CACNA2D2: variants seen among roughly 807,000 people sequenced by gnomAD.
CACNA2D2 encodes voltage-dependent calcium channel subunit alpha-2/delta-2.
In CACNA2D2, 48 loss-of-function variants were observed where a neutral mutation model predicts 166.4. That is an observed-to-expected ratio of 0.29 (90% confidence interval 0.23 to 0.37). CACNA2D2 has a LOEUF of 0.37. CACNA2D2 is among the 10% of genes least tolerant of loss of function. The pLI is 1.00. For synonymous variants in CACNA2D2, 561 were observed against 573.7 expected (o/e 0.98, Z 0.32); for missense variants, 1,122 against 1,433.0 (o/e 0.78, Z 3.50).
chr3:50,482,871 T>C (rs1361414559), intron 1 of CACNA2D2, among the ~76,000 whole-genome samples: 6 of 152,202 alleles, frequency 3.9e-5, no homozygotes, highest in African/African-American at 1.4e-4. Context: ...TTCAGCAGCT[T>C]TGGGGGCTCA....
rs78997807 is a variant in CACNA2D2 at position 50,478,319 on chromosome 3, G to A, written c.207-2120C>T. The stretch of plus-strand genomic sequence containing the variant: ...CCTGGTTGTGGGTGGACAACATAGC[G>A]GATGGCTCCTTTGTGCTCCTGCGAT... On this transcript the variant is annotated intron_variant, in intron 1 of 37. Transcript: ENST00000424201. Among the ~76,000 whole-genome samples the A allele has an allele frequency of 2.4e-3, 369 of 152,276 alleles. 7 individuals are homozygous for A. In the East Asian group the frequency reaches 0.049, roughly 20 times the overall value.
At chr3:50,415,191 G>A (rs1476720673) in intron 3 of CACNA2D2, among the ~76,000 whole-genome samples, 2 of 152,218 alleles carry the variant, frequency 1.3e-5, no homozygotes, top group Non-Finnish European at 2.9e-5. Context: ...TAGACTGAGG[G>A]CACAGGCTCC....
intron 2 of CACNA2D2, among the ~76,000 whole-genome samples, chr3:50,443,558 G>A (rs1412569413): frequency 5.3e-5 from 8 of 152,330 alleles, no homozygotes; most frequent in South Asian, 2.1e-4. Context: ...TCTCTGGCCC[G>A]CAGACTAGCC....
chr3:50,370,185 C>T lies in CACNA2D2; in HGVS notation c.2045+135G>A, dbSNP rs150839696. On this transcript the variant is annotated intron_variant, in intron 23 of 37. Coordinates refer to ENST00000424201, the MANE Select transcript of CACNA2D2 (RefSeq NM_006030.4). Reference sequence around the variant, plus strand: ...TGGGTATGCACACAGCCGCGCATACCGGGCGATGTATGGGGGCCGGGGGAT... The same window carrying T: ...TGGGTATGCACACAGCCGCGCATACTGGGCGATGTATGGGGGCCGGGGGAT... 1,058 of 681,738 alleles carry T rather than the reference C, an allele frequency of 1.6e-3. 14 individuals are homozygous for T. The East Asian group carries it at 0.018, about 11-fold the overall frequency. 42.2% of individuals were successfully genotyped at this position (681,738 alleles called of 1,614,324 possible).
At chr3:50,409,590 C>T (rs1034354102) in intron 3 of CACNA2D2, among the ~76,000 whole-genome samples, 4 of 152,230 alleles carry the variant, frequency 2.6e-5, no homozygotes, top group African/African-American at 9.7e-5. Flanking sequence ...CCTACAGCAG[C>T]CCCTGCAAAG....
At position 50,365,701 on chromosome 3, in the gene CACNA2D2, G is replaced by A; in HGVS notation, c.2916-13C>T. On this transcript the variant is annotated splice_polypyrimidine_tract_variant and intron_variant, in intron 33 of 37. Coordinates refer to ENST00000424201, the MANE Select transcript of CACNA2D2 (RefSeq NM_006030.4). This position sits in a 1 kb window ranked among gnomAD's most constrained non-coding sequence, Gnocchi z 4.5. ...CTGGAACAGGGACCTGCAGCGCACG[G>A]GGAGCCGAGTGCAGGTGGTCAGCAG... 1 of 1,592,834 alleles carries A rather than the reference G, an allele frequency of 6.3e-7. No individual in the cohort carries two copies. Among genetic ancestry groups the A allele is most frequent in the Non-Finnish European group, 8.5e-7 (1 of 1,170,110 alleles).
At chr3:50,383,886 G>A (rs1050047760) in intron 6 of CACNA2D2, among the ~76,000 whole-genome samples, 1 of 152,332 alleles carries the variant, frequency 6.6e-6, no homozygotes, top group Admixed American at 6.5e-5. Context: ...AGTCCAACAT[G>A]TGGGGAACGG....
intron 2 of CACNA2D2, among the ~76,000 whole-genome samples, chr3:50,452,494 G>C (rs1019651496): frequency 6.6e-6 from 1 of 152,240 alleles, no homozygotes; most frequent in Non-Finnish European, 1.5e-5. Context: ...TGTGATGGAT[G>C]TAACTGCTCA....
In CACNA2D2 at chr3:50,371,878, G is replaced by A. The variant is rs112492607; in HGVS notation, c.1985-1498C>T. On this transcript the variant is annotated intron_variant, in intron 22 of 37. Transcript: ENST00000424201. ...TCTGGGGTCACTGGGTGGGATGTGC[G>A]GGGGTGGGGAGAAAAAGACAACTCA... 6.6e-5 allele frequency among the ~76,000 whole-genome samples: 10 copies of A among 151,830 alleles called. 1 individual carries two copies. The highest frequency in any genetic ancestry group is 2.1e-4 in the South Asian group (1 of 4,820).
At chr3:50,388,005 C>T (rs1042948794) in intron 4 of CACNA2D2, among the ~76,000 whole-genome samples, 4 of 152,214 alleles carry the variant, frequency 2.6e-5, no homozygotes, top group African/African-American at 9.7e-5. Flanking sequence ...CTCGACGCCG[C>T]ATCTTCCAAT....
At position 50,367,329 on chromosome 3, in the gene CACNA2D2, T is replaced by C; in HGVS notation, c.2401+65A>G. ...GGCCTCAGACAGCAGAGCCCAGTTC[T>C]GGCTGAGCAGACAGGGAAGCTGAGG... is the stretch of plus-strand genomic sequence containing the variant. On this transcript the variant is annotated intron_variant, in intron 27 of 37. Transcript: ENST00000424201. This position sits in a 1 kb window ranked among gnomAD's most constrained non-coding sequence, Gnocchi z 6.5. The C allele has an allele frequency of 6.9e-7, 1 of 1,451,446 alleles. No individual in the cohort carries two copies. The highest frequency in any genetic ancestry group is 9.6e-7 in the Non-Finnish European group (1 of 1,038,206). The allele number at this position is 1,451,446 out of a possible 1,614,324, so 89.9% of individuals were successfully genotyped here.
chr3:50,498,701 G>A (rs912094993), intron 1 of CACNA2D2, among the ~76,000 whole-genome samples: 1 of 152,224 alleles, frequency 6.6e-6, no homozygotes, highest in Non-Finnish European at 1.5e-5. Context: ...AGACCCAGAG[G>A]AGGAAAGAGA....
At chr3:50,402,685 A>C (rs531923316) in intron 3 of CACNA2D2, among the ~76,000 whole-genome samples, 1 of 152,296 alleles carries the variant, frequency 6.6e-6, no homozygotes, top group African/African-American at 2.4e-5. Context: ...GTGGGAATCC[A>C]CCAACCTAGC....
intron 6 of CACNA2D2, among the ~76,000 whole-genome samples, chr3:50,382,045 G>C (rs1335972580): frequency 6.7e-6 from 1 of 150,024 alleles, no homozygotes; most frequent in Non-Finnish European, 1.5e-5. Context: ...CTCAGAGAAT[G>C]GACTCCAATC....
At chr3:50,468,270 C>G (rs899251567) in intron 2 of CACNA2D2, among the ~76,000 whole-genome samples, 1 of 152,176 alleles carries the variant, frequency 6.6e-6, no homozygotes, top group African/African-American at 2.4e-5. Flanking sequence ...CAGACCCTGG[C>G]TACTCTTCAA....
In CACNA2D2 at chr3:50,381,113, G is replaced by A. The variant is rs1481740871; in HGVS notation, c.666C>T (p.Leu222=). 2 of 1,613,674 alleles carry A rather than the reference G, an allele frequency of 1.2e-6. No homozygotes were observed. The highest frequency in any genetic ancestry group is 1.7e-6 in the Non-Finnish European group (2 of 1,179,868). The part of the protein sequence containing the change: ...TDIYKGSTVI[L]NELNWTEALE... ...GGGCCTCTGTCCAGTTGAGCTCATT[G>A]AGGATGACAGTGGCTGGGGGGAAGC... The change falls in exon 7 of 38, where the codon CTC becomes CTT. Residue 222 remains leucine (L), a synonymous_variant. Coordinates refer to ENST00000424201, the MANE Select transcript of CACNA2D2 (RefSeq NM_006030.4).
Position 50,379,857 on chromosome 3 carries a change from CA to C in CACNA2D2, c.894-34del. The C allele has an allele frequency of 1.2e-6, 2 of 1,612,950 alleles. No individual in the cohort carries two copies. The highest frequency in any genetic ancestry group is 2.2e-5 in the South Asian group (2 of 91,046). ...GGTCAGGCAGGGGACGTGGAGGAGC[CA>C]GGGGAACCTCACGTGTTCTCCTGCC... On this transcript the variant is annotated intron_variant, in intron 9 of 37. Coordinates refer to ENST00000424201, the MANE Select transcript of CACNA2D2 (RefSeq NM_006030.4). The surrounding 1 kb of genome is among the most constrained non-coding windows in gnomAD (Gnocchi z 6.5).
At chr3:50,405,297 G>A (rs985072357) in intron 3 of CACNA2D2, among the ~76,000 whole-genome samples, 2 of 151,142 alleles carry the variant, frequency 1.3e-5, no homozygotes, top group Non-Finnish European at 2.9e-5. Context: ...GGGAAGGGAC[G>A]TGGAATGGAG....
chr3:50,407,388 GGCTCTGACCCCT>G (rs1706772176), intron 3 of CACNA2D2, among the ~76,000 whole-genome samples: 2 of 151,884 alleles, frequency 1.3e-5, no homozygotes, highest in South Asian at 4.1e-4. Flanking sequence ...GCCACTCGTG[GGCTCTGACCCCT>G]GCTCTGACCC....
Sources: gnomAD v4.1 joint callset for allele counts (sites outside exome capture counted in the v4.1 genomes callset) on GRCh38, gnomAD v4.1.1 for gene constraint, Gnocchi (gnomAD v3.1) non-coding constraint, MANE v1.5 for transcripts, NCBI Gene and HGNC (gene_info 2026-07-23, HGNC 2026-07-21) for gene names.